Variants in CR1 observed in about 807,000 individuals in gnomAD.
CR1 encodes the protein complement C3b/C4b receptor 1 (Knops blood group).
A neutral mutation model predicts 187.3 loss-of-function variants in CR1; 116 were observed. The ratio of observed to expected loss-of-function variants is 0.62; its 90% CI spans 0.53 to 0.72. The LOEUF (loss-of-function observed/expected upper bound fraction) is 0.72. Ranked by LOEUF, CR1 falls within the 30% of genes least tolerant of loss-of-function variation. The pLI is 0.00. For synonymous variants in CR1, 576 were observed against 747.1 expected (o/e 0.77, Z 3.73); for missense variants, 1,731 against 2,110.7 (o/e 0.82, Z 3.52).
chr1:207,503,208 T>A (rs1659326278), intron 1 of CR1, among the ~76,000 whole-genome samples: 1 of 152,270 alleles, frequency 6.6e-6, no homozygotes, highest in African/African-American at 2.4e-5. Context: ...TTTATGAAGA[T>A]GAAACTGAGG....
chr1:207,518,680 T>A (rs1479992517), intron 4 of CR1, among the ~76,000 whole-genome samples: 2 of 152,176 alleles, frequency 1.3e-5, no homozygotes. Context: ...GATGCATCAT[T>A]TCCTTCTCTG....
intron 45 of CR1, 46 bp from the exon 46 acceptor site, chr1:207,630,471 C>A: frequency 8.0e-7 from 1 of 1,251,290 alleles, no homozygotes. Flanking sequence ...AAAACAGATA[C>A]TTAAATGATT....
rs1484414951 is a variant in CR1, at chr1:207,611,931, T to A, written c.6473-8T>A. ...GACTTACTCCTGTTGTTTTATTTTT[T>A]CTTCTAGTGAAATCCTGTGATGACT... On this transcript the variant is annotated splice_polypyrimidine_tract_variant and splice_region_variant and intron_variant, in intron 38 of 46. Coordinates refer to ENST00000367049, the MANE Select transcript of CR1 (RefSeq NM_000651.6). 6 of 1,614,026 alleles carry A rather than the reference T, an allele frequency of 3.7e-6. No homozygotes were observed. The Admixed American group carries it at 8.3e-5, about 22-fold the overall frequency.
At chr1:207,519,906 G>A (rs1051126308) in intron 4 of CR1, among the ~76,000 whole-genome samples, 1 of 147,322 alleles carries the variant, frequency 6.8e-6, no homozygotes, top group Non-Finnish European at 1.5e-5. Flanking sequence ...GGTGATTGGC[G>A]TAAGAGTAGT....
intron 4 of CR1, among the ~76,000 whole-genome samples, chr1:207,514,992 T>C (rs3991751): frequency 0.025 from 2,876 of 116,038 alleles, 102 homozygotes; most frequent in African/African-American, 0.085. Context: ...TATATATATA[T>C]ATACACACAC....
At chr1:207,605,820 G>C (rs1267064039) in intron 35 of CR1, 3 of 152,046 alleles carry the variant, frequency 2.0e-5, no homozygotes, top group Non-Finnish European at 4.4e-5. Flanking sequence ...GTATACCATA[G>C]CCTAAACAGG....
At chr1:207,587,088 A>T (rs1002316273) in intron 33 of CR1, among the ~76,000 whole-genome samples, 2 of 152,188 alleles carry the variant, frequency 1.3e-5, no homozygotes, top group African/African-American at 2.4e-5. Flanking sequence ...AACTGAGGAT[A>T]TAGGCACTCC....
chr1:207,573,038 T>G (rs1343977557), intron 27 of CR1, among the ~76,000 whole-genome samples: 1 of 152,164 alleles, frequency 6.6e-6, no homozygotes, highest in Non-Finnish European at 1.5e-5. Context: ...TATTTCCAAA[T>G]AAGATCACAT....
At chr1:207,613,675 G>A (rs900538722) in intron 39 of CR1, among the ~76,000 whole-genome samples, 9 of 152,082 alleles carry the variant, frequency 5.9e-5, no homozygotes, top group African/African-American at 2.2e-4. Context: ...AGTCTGGAGG[G>A]ATAACTAGAT....
chr1:207,567,131 G>A lies in CR1; in HGVS notation c.3953-693G>A, dbSNP rs1473413868. ...AAATGCCAATTAGAAATGAGGAAGAGACTGTTCTAAACAAATCATTAGATG... is the reference window on the plus strand; with the variant it reads ...AAATGCCAATTAGAAATGAGGAAGAAACTGTTCTAAACAAATCATTAGATG... On this transcript the variant is annotated intron_variant, in intron 24 of 46. Transcript: ENST00000367049. Among the ~76,000 whole-genome samples the A allele has an allele frequency of 4.0e-5, 6 of 150,366 alleles. No individual in the cohort carries two copies. In the East Asian group the frequency reaches 9.6e-4, roughly 24 times the overall value.
At chr1:207,566,996 G>A (rs1298500532) in intron 24 of CR1, among the ~76,000 whole-genome samples, 2 of 150,202 alleles carry the variant, frequency 1.3e-5, no homozygotes, top group Non-Finnish European at 2.9e-5. Context: ...ACAAGTGTCT[G>A]TTCTACTATC....
Position 207,609,542 on chromosome 1 carries a change from T to C in CR1, c.6149T>C (p.Ile2050Thr), listed in dbSNP as rs371865023. Reference protein sequence around the residue: ...KCTAPEVENAIRVPGNRSFFT... With the variant: ...KCTAPEVENATRVPGNRSFFT... ...ACAGCTCCAGAAGTTGAAAATGCAA[T>C]TAGAGTACCAGGAAACAGGAGTTTC... Residue 2050 changes from isoleucine (I) to threonine (T), a missense_variant, in exon 37 of 47, where the codon ATT becomes ACT. Around this residue, in one of 5 missense-constraint regions of CR1, gnomAD observed 1,312 missense variants for 1,379.6 expected, o/e 0.95. Transcript: ENST00000367049. The C allele has an allele frequency of 6.2e-7, 1 of 1,613,804 alleles. No homozygotes were observed. Among genetic ancestry groups the C allele is most frequent in the African/African-American group, 1.3e-5 (1 of 74,914 alleles).
chr1:207,513,547 T>G (rs375643059), intron 4 of CR1, among the ~76,000 whole-genome samples: 2 of 152,322 alleles, frequency 1.3e-5, no homozygotes, highest in Middle Eastern at 3.4e-3. Flanking sequence ...TTGCTTAACT[T>G]CTGCCTCTCA....
intron 34 of CR1, among the ~76,000 whole-genome samples, 159 bp downstream of exon 34, chr1:207,587,724 C>A (rs1661154408): frequency 6.6e-6 from 1 of 152,224 alleles, no homozygotes; most frequent in Admixed American, 6.5e-5. Flanking sequence ...CATGGCCAAA[C>A]CCCACGTCTA....
At chr1:207,585,705 C>A (rs983447662) in intron 33 of CR1, among the ~76,000 whole-genome samples, 1 of 152,202 alleles carries the variant, frequency 6.6e-6, no homozygotes, top group Non-Finnish European at 1.5e-5. Flanking sequence ...TTGACCTTTA[C>A]TCTCCAACTG....
chr1:207,639,715 T>C lies in CR1; in HGVS notation c.*306T>C. 4.0e-6 allele frequency: 1 copy of C among 251,208 alleles called. No individual in the cohort carries two copies. The highest frequency in any genetic ancestry group is 7.5e-6 in the Non-Finnish European group (1 of 132,478). The allele number at this position is 251,208 out of a possible 1,614,324, so 15.6% of individuals were successfully genotyped here. On this transcript the variant is annotated 3_prime_UTR_variant, in exon 47 of 47. Coordinates refer to ENST00000367049, the MANE Select transcript of CR1 (RefSeq NM_000651.6). ...TGGATTACTTAAAGGAATAAGGTGT[T>C]GCCTGGAATTTCTGGTTTGTAAGGT... is the stretch of plus-strand genomic sequence containing the variant.
chr1:207,609,044 T>G (rs1431194517), intron 36 of CR1, among the ~76,000 whole-genome samples: 2 of 152,060 alleles, frequency 1.3e-5, no homozygotes, highest in Non-Finnish European at 2.9e-5. Context: ...CCACTTAAAA[T>G]TATAAATATA....
chr1:207,584,749 C>T lies in CR1; in HGVS notation c.5403C>T (p.Asp1801=). Residue 1801 remains aspartate, a synonymous_variant, in exon 33 of 47, where the codon GAC becomes GAT. Transcript: ENST00000367049. The stretch of plus-strand genomic sequence containing the variant: ...GAAAAGAAATATCTTACACATGTGA[C>T]CCCCACCCAGACAGAGGGATGACCT... ...PYGKEISYTC[D]PHPDRGMTFN... is the part of the protein sequence containing the mutation. The T allele has an allele frequency of 6.2e-7, 1 of 1,613,864 alleles. No homozygotes were observed. The highest frequency in any genetic ancestry group is 1.1e-5 in the South Asian group (1 of 91,066).
At position 207,639,364 on chromosome 1, in the gene CR1, T is replaced by C. The variant is rs766188500; in HGVS notation, c.7458-33T>C. Reference sequence around the variant, plus strand: ...TGGGTAGTTCAGTTGTCTACCATGCTGTTAATTAAATGAAAACATCCTGTT... The same window carrying C: ...TGGGTAGTTCAGTTGTCTACCATGCCGTTAATTAAATGAAAACATCCTGTT... On this transcript the variant is annotated intron_variant, in intron 46 of 46. Coordinates refer to ENST00000367049, the MANE Select transcript of CR1 (RefSeq NM_000651.6). The C allele has an allele frequency of 1.5e-5, 24 of 1,587,948 alleles. No homozygotes were observed. In the East Asian group the frequency reaches 5.2e-4, roughly 34 times the overall value.
Sources: allele counts gnomAD v4.1 joint callset (sites outside exome capture counted in the v4.1 genomes callset), GRCh38; gene constraint gnomAD v4.1.1; regional missense constraint gnomAD v4.1.1; transcripts MANE v1.5; gene names NCBI Gene and HGNC (gene_info 2026-07-23, HGNC 2026-07-21).